Variants in RIN3 observed in about 807,000 individuals in gnomAD.
RIN3 encodes the protein RAB5 interacting protein 3.
A neutral mutation model predicts 76.3 loss-of-function variants in RIN3; 54 were observed. The ratio of observed to expected loss-of-function variants is 0.71; its 90% CI spans 0.57 to 0.89. The LOEUF is 0.89. Among genes scored for constraint, RIN3 ranks in the 40% least tolerant of loss-of-function variants. RIN3 has a pLI of 0.00. For missense variants in RIN3, 1,256 were observed against 1,322.1 expected, an observed-to-expected ratio of 0.95 and a Z score of 0.78; for synonymous variants, 576 against 564.0, an observed-to-expected ratio of 1.02 and a Z score of -0.30.
At chr14:92,554,479 G>A (rs758359257) in intron 1 of RIN3, among the ~76,000 whole-genome samples, 1 of 152,188 alleles carries the variant, frequency 6.6e-6, no homozygotes, top group East Asian at 1.9e-4. Flanking sequence ...CTGGGAAGGG[G>A]TAAGAAGGAA....
chr14:92,555,187 TA>T (rs1897543279), intron 1 of RIN3, among the ~76,000 whole-genome samples: 2 of 152,256 alleles, frequency 1.3e-5, no homozygotes, highest in African/African-American at 4.8e-5. Context: ...TGTTACTCTT[TA>T]AAAGTTTTTA....
chr14:92,589,069 A>G (rs1239351561), intron 3 of RIN3, among the ~76,000 whole-genome samples: 1 of 152,096 alleles, frequency 6.6e-6, no homozygotes, highest in African/African-American at 2.4e-5. Flanking sequence ...CTTCCCTGCA[A>G]GGCTACTTAG....
chr14:92,515,974 A>G (rs970725320), intron 1 of RIN3, among the ~76,000 whole-genome samples: 1 of 152,198 alleles, frequency 6.6e-6, no homozygotes, highest in East Asian at 1.9e-4. Context: ...CCCAGGGTCC[A>G]GTGCATCAGG....
intron 3 of RIN3, among the ~76,000 whole-genome samples, chr14:92,608,755 G>A (rs1293484160): frequency 5.9e-5 from 9 of 152,008 alleles, no homozygotes; most frequent in Non-Finnish European, 8.8e-5. Flanking sequence ...GGCTGGTCTC[G>A]AACTCCTGAC....
intron 4 of RIN3, chr14:92,615,835 C>A: frequency 4.1e-6 from 1 of 241,606 alleles, no homozygotes. Flanking sequence ...AGGGGCTGAT[C>A]CCCCTTCATG....
Position 92,652,373 on chromosome 14 carries a change from G to T in RIN3, c.1324G>T (p.Asp442Tyr), listed in dbSNP as rs770717973. ...QGQDTEVKAS[D>Y]PHSMPELPRT... is the part of the protein sequence containing the mutation. Reference sequence around the variant, plus strand: ...CCAGGACACAGAGGTGAAAGCCAGCGATCCTCACAGCATGCCAGAGCTGCC... The same window carrying T: ...CCAGGACACAGAGGTGAAAGCCAGCTATCCTCACAGCATGCCAGAGCTGCC... The change falls in exon 6 of 10, where the codon GAT (aspartate) becomes TAT (tyrosine). Residue 442 changes from aspartate to tyrosine, a missense_variant. Physicochemically the swap from Asp to Tyr is radical, Grantham distance 160. This residue lies in a region of RIN3 where 610 missense variants were observed against 626.4 expected (regional missense o/e 0.97). Coordinates refer to ENST00000216487, the MANE Select transcript of RIN3 (RefSeq NM_024832.5). This position sits in a 1 kb window ranked among gnomAD's most constrained non-coding sequence, Gnocchi z 6.4. The T allele has an allele frequency of 2.5e-6, 4 of 1,609,300 alleles. No homozygotes were observed. The highest frequency in any genetic ancestry group is 2.2e-5 in the South Asian group (2 of 90,386).
At chr14:92,629,862 T>A (rs992384564) in intron 4 of RIN3, among the ~76,000 whole-genome samples, 1 of 152,246 alleles carries the variant, frequency 6.6e-6, no homozygotes, top group East Asian at 1.9e-4. Flanking sequence ...AAGTCCACAC[T>A]GTCTGCTCCA....
At chr14:92,563,889 T>G (rs1265522037) in intron 2 of RIN3, among the ~76,000 whole-genome samples, 1 of 152,220 alleles carries the variant, frequency 6.6e-6, no homozygotes, top group Non-Finnish European at 1.5e-5. Context: ...CTTGACTTTC[T>G]TACATCTCTG....
chr14:92,609,648 G>A (rs1279190059), intron 3 of RIN3, among the ~76,000 whole-genome samples: 1 of 152,198 alleles, frequency 6.6e-6, no homozygotes, highest in Non-Finnish European at 1.5e-5. Flanking sequence ...GTGGTCTCCT[G>A]GGCAGTAGGT....
chr14:92,652,755 A>C lies in RIN3; in HGVS notation c.1706A>C (p.Lys569Thr). 1.2e-6 allele frequency: 2 copies of C among 1,613,946 alleles called. No individual in the cohort carries two copies. Among genetic ancestry groups the C allele is most frequent in the Non-Finnish European group, 1.7e-6 (2 of 1,180,030 alleles). Residue 569 changes from lysine to threonine, a missense_variant, in exon 6 of 10, where the codon AAG becomes ACG. By Grantham distance (78) the Lys-to-Thr change is moderately conservative. Around this residue, in one of 3 missense-constraint regions of RIN3, gnomAD observed 428 missense variants for 521.2 expected, o/e 0.82. Coordinates refer to ENST00000216487, the MANE Select transcript of RIN3 (RefSeq NM_024832.5). This position sits in a 1 kb window ranked among gnomAD's most constrained non-coding sequence, Gnocchi z 6.4. ...LEQFSSPSVK[K>T]KPSMILGKAR... Reference sequence around the variant, plus strand: ...CAGTTCAGCAGCCCCAGCGTGAAGAAGAAGCCCTCCATGATCCTGGGCAAG... The same window carrying C: ...CAGTTCAGCAGCCCCAGCGTGAAGACGAAGCCCTCCATGATCCTGGGCAAG...
At chr14:92,576,186 C>G in intron 2 of RIN3, 1 of 1,228,822 alleles carries the variant, frequency 8.1e-7, no homozygotes, top group Non-Finnish European at 1.0e-6. Flanking sequence ...GAAGGTGTCA[C>G]CTGCCAAGGA....
Position 92,652,388 on chromosome 14 carries a change from C to T in RIN3, c.1339C>T (p.Pro447Ser), listed in dbSNP as rs1351104311. ...EVKASDPHSMPELPRTAKQPP... is the reference protein window; with the variant it reads ...EVKASDPHSMSELPRTAKQPP... ...GAAAGCCAGCGATCCTCACAGCATG[C>T]CAGAGCTGCCCAGGACAGCCAAACA... The change falls in exon 6 of 10, where the codon CCA becomes TCA. Residue 447 changes from proline to serine, a missense_variant. By Grantham distance (74) the Pro-to-Ser change is moderately conservative (BLOSUM62 -1). Around this residue, in one of 3 missense-constraint regions of RIN3, gnomAD observed 610 missense variants for 626.4 expected, o/e 0.97. Transcript: ENST00000216487. The surrounding 1 kb of genome is among the most constrained non-coding windows in gnomAD (Gnocchi z 6.4). The T allele has an allele frequency of 6.2e-7, 1 of 1,611,438 alleles. No homozygotes were observed. The highest frequency in any genetic ancestry group is 1.1e-5 in the South Asian group (1 of 90,574).
intron 7 of RIN3, among the ~76,000 whole-genome samples, chr14:92,670,907 G>T (rs983076124): frequency 5.3e-5 from 8 of 152,200 alleles, no homozygotes; most frequent in African/African-American, 1.9e-4. Context: ...TACAAATCAA[G>T]GTTGATTTTT....
At chr14:92,630,601 C>G (rs1886540557) in intron 4 of RIN3, among the ~76,000 whole-genome samples, 1 of 152,364 alleles carries the variant, frequency 6.6e-6, no homozygotes, top group African/African-American at 2.4e-5. Context: ...GTCCAGGGAG[C>G]TCTGGAGCCA....
chr14:92,681,408 CCT>C lies in RIN3; in HGVS notation c.2468-3578_2468-3577del. 6.6e-6 allele frequency among the ~76,000 whole-genome samples: 1 copy of C among 152,246 alleles called. No homozygotes were observed. Among genetic ancestry groups the C allele is most frequent in the East Asian group, 1.9e-4 (1 of 5,204 alleles). On this transcript the variant is annotated intron_variant, in intron 8 of 9. Transcript: ENST00000216487. This position sits in a 1 kb window ranked among gnomAD's most constrained non-coding sequence, Gnocchi z 4.7. Reference sequence around the variant, plus strand: ...GGGTGAGACACCCCCAGAGCACCTCCCTGAGGCCTCATAGCCACCATGCGTTA... The same window carrying C: ...GGGTGAGACACCCCCAGAGCACCTCCGAGGCCTCATAGCCACCATGCGTTA...
chr14:92,669,935 A>G (rs563086239), intron 7 of RIN3, among the ~76,000 whole-genome samples: 174 of 152,214 alleles, frequency 1.1e-3, no homozygotes, highest in Middle Eastern at 6.8e-3. Context: ...TCACCCTGTC[A>G]CTCAGGCTGG....
intron 7 of RIN3, among the ~76,000 whole-genome samples, chr14:92,663,854 C>T (rs147788714): frequency 6.6e-6 from 1 of 152,324 alleles, no homozygotes; most frequent in East Asian, 1.9e-4. Flanking sequence ...GGGTGATACA[C>T]TTGTCATGTT....
intron 1 of RIN3, among the ~76,000 whole-genome samples, chr14:92,525,396 C>A (rs1896703694): frequency 6.6e-6 from 1 of 151,968 alleles, no homozygotes. Context: ...ATAAAGGGCA[C>A]AGAATGCTCC....
intron 5 of RIN3, among the ~76,000 whole-genome samples, chr14:92,649,641 C>T (rs868259099): frequency 3.3e-5 from 5 of 152,186 alleles, no homozygotes; most frequent in African/African-American, 4.8e-5. Context: ...AGGAGCCATG[C>T]GCTGCCCAAG....
Sources: allele counts gnomAD v4.1 joint callset (sites outside exome capture counted in the v4.1 genomes callset), GRCh38; gene constraint gnomAD v4.1.1; regional missense constraint gnomAD v4.1.1; non-coding constraint Gnocchi (gnomAD v3.1); transcripts MANE v1.5; gene names NCBI Gene and HGNC (gene_info 2026-07-23, HGNC 2026-07-21).